The following NEK8 variants were observed in gnomAD, a reference collection of about 807,000 sequenced individuals.
The protein encoded by NEK8 is NIMA related kinase 8.
In NEK8, 51 loss-of-function variants were observed where a neutral mutation model predicts 77.2. The observed-to-expected ratio is 0.66, with a 90% CI of 0.53 to 0.83. NEK8 has a LOEUF of 0.83. Among genes scored for constraint, NEK8 ranks in the 40% least tolerant of loss-of-function variants. The probability of loss-of-function intolerance (pLI) is 0.00; values close to 1 mark genes in which losing one functional copy is unlikely to be tolerated. For missense variants in NEK8, 787 were observed against 909.2 expected (o/e 0.87, Z 1.73); for synonymous variants, 365 against 363.2 (o/e 1.00, Z -0.06).
At position 28,740,718 on chromosome 17, in the gene NEK8, T is replaced by C; in HGVS notation, c.1569-104T>C. The C allele has an allele frequency of 6.3e-7, 1 of 1,577,966 alleles. No individual in the cohort carries two copies. Among genetic ancestry groups the C allele is most frequent in the South Asian group, 1.1e-5 (1 of 90,340 alleles). ...CACCAAAGACCAGAATTGAGGGGGT[T>C]GAGGGTGCTATTGGTTCAACCCAGG... On this transcript the variant is annotated intron_variant, in intron 11 of 14. Transcript: ENST00000268766. The surrounding 1 kb of genome is among the most constrained non-coding windows in gnomAD (Gnocchi z 4.7).
rs751426013 is a variant in NEK8, at chr17:28,737,719, C to T, written c.872C>T (p.Thr291Ile). Residue 291 changes from threonine (T) to isoleucine (I), a missense_variant, in exon 6 of 15, where the codon ACC becomes ATC. Coordinates refer to ENST00000268766, the MANE Select transcript of NEK8 (RefSeq NM_178170.3). The surrounding 1 kb of genome is among the most constrained non-coding windows in gnomAD (Gnocchi z 4.8). ...VAPSNTGSRT[T>I]SVRCRGIPRG... ...CCCAGCAACACAGGGAGCAGGACCA[C>T]CAGTGTCCGCTGCAGAGGTAAGTGG... 6.2e-7 allele frequency: 1 copy of T among 1,614,166 alleles called. No individual in the cohort carries two copies. Among genetic ancestry groups the T allele is most frequent in the South Asian group, 1.1e-5 (1 of 91,084 alleles).
rs762343001 is a variant in NEK8 at position 28,734,192 on chromosome 17, G to A, written c.253+4G>A. 3.7e-6 allele frequency: 6 copies of A among 1,613,870 alleles called. No homozygotes were observed. In the East Asian group the frequency reaches 1.3e-4, roughly 36 times the overall value. On this transcript the variant is annotated splice_donor_region_variant and intron_variant, in intron 2 of 14. Transcript: ENST00000268766. ...ATCGCCATGGAATATGCACCAGGTG[G>A]GCCAGCCTCCTTACAGTGGCCTGGC...
At chr17:28,733,049 T>TC (rs1275165953) in intron 1 of NEK8, 3 of 150,974 alleles carry the variant, frequency 2.0e-5, no homozygotes, top group Non-Finnish European at 4.4e-5. Context: ...AATTTTTTTT[T>TC]TTTTTTTTTT....
In NEK8 at chr17:28,738,015, G is replaced by T; in HGVS notation, c.1071+15G>T. The stretch of plus-strand genomic sequence containing the variant: ...TCCTGTGGGAGGTGAGCAGGCCAGG[G>T]GGTGGCCTGGATGGGTGGAGGTGGA... On this transcript the variant is annotated intron_variant, in intron 7 of 14. Coordinates refer to ENST00000268766, the MANE Select transcript of NEK8 (RefSeq NM_178170.3). 6.2e-7 allele frequency: 1 copy of T among 1,612,724 alleles called. No homozygotes were observed. Among genetic ancestry groups the T allele is most frequent in the South Asian group, 1.1e-5 (1 of 91,054 alleles).
In NEK8 at chr17:28,741,587, T is replaced by C; in HGVS notation, c.2050+16T>C. On this transcript the variant is annotated intron_variant, in intron 14 of 14. Coordinates refer to ENST00000268766, the MANE Select transcript of NEK8 (RefSeq NM_178170.3). This position sits in a 1 kb window ranked among gnomAD's most constrained non-coding sequence, Gnocchi z 4.5. ...GCTGTTCGATGTGAGTTGTAACTTT[T>C]CCCACTTCACCACACAGCCCAGCTG... 1 of 1,613,866 alleles carries C rather than the reference T, an allele frequency of 6.2e-7. No individual in the cohort carries two copies. The highest frequency in any genetic ancestry group is 8.5e-7 in the Non-Finnish European group (1 of 1,179,970).
rs771392691 is a variant in NEK8, at chr17:28,741,138, G to A, written c.1793G>A (p.Arg598His). 30 of 1,613,972 alleles carry A rather than the reference G, an allele frequency of 1.9e-5. No homozygotes were observed. Among genetic ancestry groups the A allele is most frequent in the Admixed American group, 3.3e-5 (2 of 59,998 alleles). ...CACGGACAGTTGGGCACCAATACTCGCCGAGGCAGTCGGGCACCCTGTAAG... is the reference window on the plus strand; with the variant it reads ...CACGGACAGTTGGGCACCAATACTCACCGAGGCAGTCGGGCACCCTGTAAG... ...NQHGQLGTNTRRGSRAPCKVQ... is the reference protein window; with the variant it reads ...NQHGQLGTNTHRGSRAPCKVQ... The change falls in exon 13 of 15, where the codon CGC becomes CAC. Residue 598 changes from arginine to histidine, a missense_variant. Arg to His is a conservative substitution (Grantham distance 29, BLOSUM62 0). Transcript: ENST00000268766. This position sits in a 1 kb window ranked among gnomAD's most constrained non-coding sequence, Gnocchi z 4.5.
At chr17:28,734,453 A>G (rs1057463068) in intron 2 of NEK8, 1 of 569,628 alleles carries the variant, frequency 1.8e-6, no homozygotes, top group South Asian at 2.0e-5. Context: ...AGGCGGGCGG[A>G]TCATGAGGTC....
chr17:28,734,290 A>C (rs1475442538), intron 2 of NEK8, 102 bp downstream of exon 2: 2 of 1,060,990 alleles, frequency 1.9e-6, no homozygotes, highest in East Asian at 2.4e-5. Flanking sequence ...GGCATGGCCA[A>C]GGGTTAGAGT....
At chr17:28,739,278 T>C in intron 10 of NEK8, 77 bp downstream of exon 10, 1 of 898,890 alleles carries the variant, frequency 1.1e-6, no homozygotes, top group Non-Finnish European at 1.9e-6. Flanking sequence ...ACCTTCCACC[T>C]CACAGCACAT....
In NEK8 at chr17:28,737,326, G is replaced by C. The variant is rs372495226; in HGVS notation, c.639G>C (p.Leu213=). 1.9e-6 allele frequency: 3 copies of C among 1,613,342 alleles called. No individual in the cohort carries two copies. The South Asian group carries it at 3.3e-5, about 18-fold the overall frequency. The change falls in exon 5 of 15, where the codon CTG becomes CTC. Residue 213 remains leucine (L), a synonymous_variant. Transcript: ENST00000268766. The surrounding 1 kb of genome is among the most constrained non-coding windows in gnomAD (Gnocchi z 4.8). ...CACAGAACTTGCCAGCACTGGTGCT[G>C]AAGATCATGAGTGGCACCTTTGCAC... ...FEAANLPALV[L]KIMSGTFAPI... is the part of the protein sequence containing the mutation.
chr17:28,736,152 C>T (rs896479633), intron 4 of NEK8, among the ~76,000 whole-genome samples: 5 of 152,134 alleles, frequency 3.3e-5, no homozygotes, highest in African/African-American at 7.2e-5. Flanking sequence ...GTATGTGCCA[C>T]GTTTTCTTAA....
Position 28,737,893 on chromosome 17 carries a change from G to T in NEK8, c.964G>T (p.Gly322Cys). Residue 322 changes from glycine to cysteine, a missense_variant, in exon 7 of 15, where the codon GGC becomes TGC. Transcript: ENST00000268766. The surrounding 1 kb of genome is among the most constrained non-coding windows in gnomAD (Gnocchi z 4.8). Reference protein sequence around the residue: ...SSVYAWGGGLGTPLRLPMLNT... With the variant: ...SSVYAWGGGLCTPLRLPMLNT... ...AGTGTATGCCTGGGGTGGTGGGCTGGGCACCCCCCTGCGGCTGCCAATGCT... is the reference window on the plus strand; with the variant it reads ...AGTGTATGCCTGGGGTGGTGGGCTGTGCACCCCCCTGCGGCTGCCAATGCT... 6.2e-7 allele frequency: 1 copy of T among 1,613,822 alleles called. No homozygotes were observed. The highest frequency in any genetic ancestry group is 8.5e-7 in the Non-Finnish European group (1 of 1,179,978).
intron 1 of NEK8, among the ~76,000 whole-genome samples, 168 bp from the exon 2 acceptor site, chr17:28,733,814 TG>T (rs2034333802): frequency 6.6e-6 from 1 of 152,226 alleles, no homozygotes; most frequent in African/African-American, 2.4e-5. Flanking sequence ...CCACACAGCT[TG>T]TAATCAGTTC....
chr17:28,741,885 AGTGGGAG>A lies in NEK8; in HGVS notation c.2051-68_2051-62del, dbSNP rs1047835235. The A allele has an allele frequency of 1.6e-5, 23 of 1,480,494 alleles. No individual in the cohort carries two copies. Among genetic ancestry groups the A allele is most frequent in the Non-Finnish European group, 2.2e-5 (23 of 1,058,276 alleles). The allele number at this position is 1,480,494 out of a possible 1,614,324, so 91.7% of individuals were successfully genotyped here. ...GGTCCAGAATCCAGGGCCCAGTGGG[AGTGGGAG>A]GTGGGTGATGATTTCTGGAGGCACT... On this transcript the variant is annotated intron_variant, in intron 14 of 14. Transcript: ENST00000268766. The surrounding 1 kb of genome is among the most constrained non-coding windows in gnomAD (Gnocchi z 4.5).
intron 1 of NEK8, among the ~76,000 whole-genome samples, chr17:28,729,291 A>G (rs1013819548): frequency 6.6e-6 from 1 of 152,206 alleles, no homozygotes; most frequent in Non-Finnish European, 1.5e-5. Context: ...GATAGAGTAC[A>G]TTACCAGTGA....
chr17:28,740,834 G>C lies in NEK8; in HGVS notation c.1581G>C (p.Leu527=). The change falls in exon 12 of 15, where the codon CTG becomes CTC. Residue 527 remains leucine, a synonymous_variant. Coordinates refer to ENST00000268766, the MANE Select transcript of NEK8 (RefSeq NM_178170.3). The surrounding 1 kb of genome is among the most constrained non-coding windows in gnomAD (Gnocchi z 4.7). The stretch of plus-strand genomic sequence containing the variant: ...GCTCTGCCCTCAGGTTCAACAAGCT[G>C]GGCCTGGACCACCTCTCCCTGGGGG... ...LACGSNRFNK[L]GLDHLSLGEE... is the part of the protein sequence containing the mutation. 6.2e-7 allele frequency: 1 copy of C among 1,613,880 alleles called. No homozygotes were observed. The highest frequency in any genetic ancestry group is 1.1e-5 in the South Asian group (1 of 91,078).
chr17:28,741,386 T>C lies in NEK8; in HGVS notation c.1892-27T>C. The C allele has an allele frequency of 6.2e-7, 1 of 1,611,922 alleles. No individual in the cohort carries two copies. Among genetic ancestry groups the C allele is most frequent in the Non-Finnish European group, 8.5e-7 (1 of 1,178,952 alleles). On this transcript the variant is annotated intron_variant, in intron 13 of 14. Coordinates refer to ENST00000268766, the MANE Select transcript of NEK8 (RefSeq NM_178170.3). This position sits in a 1 kb window ranked among gnomAD's most constrained non-coding sequence, Gnocchi z 4.5. ...TGCTCGGGCTGTGCCCACTTCCCAC[T>C]TCCCTCCTGGGGATTCTTCCTGGCA...
intron 4 of NEK8, among the ~76,000 whole-genome samples, chr17:28,736,031 G>GT (rs1358107004): frequency 6.7e-6 from 1 of 150,152 alleles, no homozygotes; most frequent in East Asian, 2.0e-4. Context: ...GCGGTGTTTG[G>GT]TTTTTTGTCC....
chr17:28,735,407 A>G (rs779832764), intron 4 of NEK8, 36 bp downstream of exon 4: 32 of 1,606,116 alleles, frequency 2.0e-5, no homozygotes, highest in African/African-American at 1.6e-4. Context: ...CAACTGAGAA[A>G]TCTACTGCCT....
Sources: gnomAD v4.1 joint callset for allele counts (sites outside exome capture counted in the v4.1 genomes callset) on GRCh38, gnomAD v4.1.1 for gene constraint, Gnocchi (gnomAD v3.1) non-coding constraint, MANE v1.5 for transcripts, NCBI Gene and HGNC (gene_info 2026-07-23, HGNC 2026-07-21) for gene names.